Variants in COL6A6 observed in about 807,000 individuals in gnomAD.
COL6A6 encodes the protein collagen alpha-6(VI) chain.
COL6A6 carries 183 observed loss-of-function variants against 208.6 expected under a neutral mutation model. The ratio of observed to expected loss-of-function variants is 0.88; its 90% CI spans 0.78 to 0.99. COL6A6 has a LOEUF of 0.99. Ranked by LOEUF, COL6A6 falls within the 50% of genes least tolerant of loss-of-function variation. COL6A6 has a pLI of 0.00. For synonymous variants in COL6A6, 973 were observed against 1,011.8 expected (o/e 0.96, Z 0.73); for missense variants, 2,816 against 2,815.2 (o/e 1.00, Z -0.01).
chr3:130,606,994 A>T, intron 21 of COL6A6, 28 bp downstream of exon 21: 1 of 1,573,004 alleles, frequency 6.4e-7, no homozygotes, highest in Non-Finnish European at 8.7e-7. Context: ...CTTAACTCCA[A>T]ATAACAAATA....
intron 7 of COL6A6, among the ~76,000 whole-genome samples, chr3:130,572,468 C>G (rs553293499): frequency 6.6e-6 from 1 of 152,258 alleles, no homozygotes; most frequent in African/African-American, 2.4e-5. Flanking sequence ...TATAGTAGTT[C>G]TTTTTAAAAC....
chr3:130,586,050 G>T (rs1274614076), intron 10 of COL6A6, among the ~76,000 whole-genome samples: 1 of 152,208 alleles, frequency 6.6e-6, no homozygotes. Flanking sequence ...AACCTCCCAG[G>T]CTTAAGCGAT....
At position 130,593,194 on chromosome 3, in the gene COL6A6, T is replaced by C; in HGVS notation, c.4417-5T>C. On this transcript the variant is annotated splice_region_variant and splice_polypyrimidine_tract_variant and intron_variant, in intron 16 of 36. Coordinates refer to ENST00000358511, the MANE Select transcript of COL6A6 (RefSeq NM_001102608.3). ...TATTAATAGCTTTCCCTTCTTGTTT[T>C]TTAGGGTGATAATGGTCTTCCTGGA... 6.2e-7 allele frequency: 1 copy of C among 1,613,296 alleles called. No homozygotes were observed.
At chr3:130,670,786 A>G (rs920727561) in intron 36 of COL6A6, among the ~76,000 whole-genome samples, 15 of 152,268 alleles carry the variant, frequency 9.9e-5, no homozygotes, top group Non-Finnish European at 1.6e-4. Flanking sequence ...TCTGTGGCCT[A>G]CAGGCTGCAT....
At chr3:130,641,960 G>C (rs1448432153) in intron 29 of COL6A6, among the ~76,000 whole-genome samples, 1 of 152,006 alleles carries the variant, frequency 6.6e-6, no homozygotes, top group South Asian at 2.1e-4. Context: ...AACTAAAATG[G>C]TATTTCTCAA....
intron 1 of COL6A6, among the ~76,000 whole-genome samples, chr3:130,542,463 G>A (rs1470008143): frequency 6.6e-6 from 1 of 152,126 alleles, no homozygotes. Context: ...CTTGGTGAAT[G>A]TTCCATGTGA....
rs138188343 is a variant in COL6A6, at chr3:130,563,827, T to C, written c.661+163T>C. On this transcript the variant is annotated intron_variant, in intron 3 of 36. Coordinates refer to ENST00000358511, the MANE Select transcript of COL6A6 (RefSeq NM_001102608.3). ...GAGAGTCCAGTGATTATGACCATTT[T>C]CAATTCAGTGAAGCCCAGAAGTCTT... is the stretch of plus-strand genomic sequence containing the variant. Among the ~76,000 whole-genome samples the C allele has an allele frequency of 3.9e-3, 600 of 152,348 alleles. 5 individuals carry two copies. Among genetic ancestry groups the C allele is most frequent in the African/African-American group, 0.014 (571 of 41,578 alleles).
At chr3:130,517,077 T>C (rs1317888186), upstream of COL6A6, among the ~76,000 whole-genome samples, 1 of 152,042 alleles carries the variant, frequency 6.6e-6, no homozygotes, top group East Asian at 1.9e-4. Flanking sequence ...TGCGCCCCCC[T>C]CCTGGGGGAC....
chr3:130,618,719 G>A, intron 23 of COL6A6, among the ~76,000 whole-genome samples: 1 of 152,146 alleles, frequency 6.6e-6, no homozygotes, highest in East Asian at 1.9e-4. Context: ...ATCCTGCATG[G>A]GAAACACAAT....
Position 130,582,069 on chromosome 3 carries a change from G to A in COL6A6, c.3970+1G>A. 1 of 1,567,788 alleles carries A rather than the reference G, an allele frequency of 6.4e-7. No homozygotes were observed. The highest frequency in any genetic ancestry group is 1.7e-4 in the Middle Eastern group (1 of 5,988). On this transcript the variant is annotated splice_donor_variant, in intron 10 of 36. Coordinates refer to ENST00000358511, the MANE Select transcript of COL6A6 (RefSeq NM_001102608.3). LOFTEE classifies it high-confidence loss of function. ...AAATCTGATGAACTTAGAAAAGAAG[G>A]TACTGAGTATGGAGAAGTGGGAAGG...
chr3:130,553,636 GT>G (rs34984104), intron 1 of COL6A6, among the ~76,000 whole-genome samples: 3 of 148,248 alleles, frequency 2.0e-5, no homozygotes, highest in South Asian at 2.1e-4. Context: ...CATACTCTGG[GT>G]TTTTTTTTTC....
chr3:130,532,945 GGAT>G (rs2062135003), intron 1 of COL6A6, among the ~76,000 whole-genome samples: 1 of 149,324 alleles, frequency 6.7e-6, no homozygotes, highest in African/African-American at 2.6e-5. Context: ...TTCACAATAT[GGAT>G]TCAGAATAGC....
chr3:130,626,170 A>G (rs1332128809), intron 24 of COL6A6, among the ~76,000 whole-genome samples: 1 of 152,230 alleles, frequency 6.6e-6, no homozygotes, highest in Admixed American at 6.5e-5. Context: ...CAGAGGCCAG[A>G]TGATTTGCAT....
chr3:130,588,917 CAAAA>C (rs58377635), intron 11 of COL6A6, among the ~76,000 whole-genome samples, 169 bp from the exon 12 acceptor site: 3 of 68,264 alleles, frequency 4.4e-5, no homozygotes, highest in Non-Finnish European at 3.4e-5. Flanking sequence ...AAGATGGAAG[CAAAA>C]AAAAAAAAAA....
At chr3:130,639,889 T>G (rs1284544664) in intron 28 of COL6A6, among the ~76,000 whole-genome samples, 1 of 152,002 alleles carries the variant, frequency 6.6e-6, no homozygotes, top group South Asian at 2.1e-4. Flanking sequence ...ACCTGGAGAG[T>G]AAAGGTCTGG....
Position 130,567,135 on chromosome 3 carries a change from C to T in COL6A6, c.1716C>T (p.Ile572=). Residue 572 remains isoleucine, a synonymous_variant, in exon 5 of 37, where the codon ATC becomes ATT. Coordinates refer to ENST00000358511, the MANE Select transcript of COL6A6 (RefSeq NM_001102608.3). ...EEHIRVYAIG[I]KEANQTQLRE... is the part of the protein sequence containing the mutation. ...ACATCCGAGTTTATGCTATCGGGAT[C>T]AAGGAGGCCAACCAAACACAGCTGA... 6.2e-7 allele frequency: 1 copy of T among 1,613,912 alleles called. No individual in the cohort carries two copies. The highest frequency in any genetic ancestry group is 8.5e-7 in the Non-Finnish European group (1 of 1,179,884).
chr3:130,575,777 T>G (rs1487830023), intron 8 of COL6A6, among the ~76,000 whole-genome samples: 1 of 152,202 alleles, frequency 6.6e-6, no homozygotes, highest in Non-Finnish European at 1.5e-5. Flanking sequence ...TGGTTTTCTC[T>G]GAAAATAGCC....
Position 130,661,821 on chromosome 3 carries a change from C to G in COL6A6, c.6015C>G (p.Val2005=). The G allele has an allele frequency of 1.9e-6, 3 of 1,613,984 alleles. No homozygotes were observed. The highest frequency in any genetic ancestry group is 2.5e-6 in the Non-Finnish European group (3 of 1,179,880). ...TCACCCCAGAGCCGGAGACTTCTGTCACTGGAGACCGGGTGGCCCTATTGA... is the reference window on the plus strand; with the variant it reads ...TCACCCCAGAGCCGGAGACTTCTGTGACTGGAGACCGGGTGGCCCTATTGA... The part of the protein sequence containing the change: ...FEITPEPETS[V]TGDRVALLSH... Residue 2005 remains valine (V), a synonymous_variant, in exon 35 of 37, where the codon GTC becomes GTG. Transcript: ENST00000358511.
At chr3:130,584,251 G>C (rs2063486032) in intron 10 of COL6A6, among the ~76,000 whole-genome samples, 1 of 152,126 alleles carries the variant, frequency 6.6e-6, no homozygotes, top group African/African-American at 2.4e-5. Flanking sequence ...CATATTTCTT[G>C]CAAGTCAACA....
Sources: gnomAD v4.1 joint callset for allele counts (sites outside exome capture counted in the v4.1 genomes callset) on GRCh38, gnomAD v4.1.1 for gene constraint, MANE v1.5 for transcripts, NCBI Gene and HGNC (gene_info 2026-07-23, HGNC 2026-07-21) for gene names.